The following RBMS3 variants were observed in gnomAD, a reference collection of about 807,000 sequenced individuals.
RBMS3 encodes the protein RNA-binding motif, single-stranded-interacting protein 3.
Under a neutral mutation model 66.8 loss-of-function variants are expected in RBMS3, and 27 were observed. The observed-to-expected ratio is 0.40, with a 90% CI of 0.30 to 0.56. The LOEUF (loss-of-function observed/expected upper bound fraction) is 0.56. Among genes scored for constraint, RBMS3 ranks in the 20% least tolerant of loss-of-function variants. RBMS3 has a pLI of 0.40. For synonymous variants in RBMS3, 188 were observed against 183.0 expected (o/e 1.03, Z -0.22); for missense variants, 513 against 549.5 (o/e 0.93, Z 0.66).
intron 3 of RBMS3, among the ~76,000 whole-genome samples, chr3:29,527,163 C>T (rs966734002): frequency 1.5e-4 from 16 of 106,182 alleles, no homozygotes; most frequent in African/African-American, 6.0e-4. Flanking sequence ...GGGTTTCAGA[C>T]GTGATTGTTA....
chr3:29,404,110 C>T lies in RBMS3; in HGVS notation c.76-30633C>T, dbSNP rs116290440. On this transcript the variant is annotated intron_variant, in intron 1 of 14. Transcript: ENST00000383767. ...AAGATGAAAATTGAATTTTCATTTT[C>T]AACCTCTTGCAGGCTAAAATGAAAT... Among the ~76,000 whole-genome samples the T allele has an allele frequency of 7.2e-3, 1,101 of 152,192 alleles. 15 individuals carry two copies. The highest frequency in any genetic ancestry group is 0.025 in the African/African-American group (1,050 of 41,540).
intron 4 of RBMS3, among the ~76,000 whole-genome samples, chr3:29,739,189 C>T (rs1320332712): frequency 2.0e-5 from 3 of 152,286 alleles, no homozygotes; most frequent in Non-Finnish European, 2.9e-5. Context: ...CGTGATGGCT[C>T]ACACCTGTAA....
In RBMS3 at chr3:29,405,738, C is replaced by G. The variant is rs568284647; in HGVS notation, c.76-29005C>G. On this transcript the variant is annotated intron_variant, in intron 1 of 14. Coordinates refer to ENST00000383767, the MANE Select transcript of RBMS3 (RefSeq NM_001003793.3). Reference sequence around the variant, plus strand: ...CCTAAAACATGGGGGAAAATTCAGCCATTTTATCTATACTTGCAGTTATTC... The same window carrying G: ...CCTAAAACATGGGGGAAAATTCAGCGATTTTATCTATACTTGCAGTTATTC... Among the ~76,000 whole-genome samples, 5 of 152,242 alleles carry G rather than the reference C, an allele frequency of 3.3e-5. No individual in the cohort carries two copies. The East Asian group carries it at 9.7e-4, about 29-fold the overall frequency.
chr3:29,291,980 C>T (rs2125425580), intron 1 of RBMS3, among the ~76,000 whole-genome samples: 1 of 151,878 alleles, frequency 6.6e-6, no homozygotes, highest in East Asian at 1.9e-4. Flanking sequence ...CTTCTCCAAT[C>T]TTATTCAGGA....
At chr3:29,903,705 T>G (rs1274955637) in intron 10 of RBMS3, among the ~76,000 whole-genome samples, 1 of 151,992 alleles carries the variant, frequency 6.6e-6, no homozygotes, top group Non-Finnish European at 1.5e-5. Flanking sequence ...CTGTTCTTGA[T>G]ATGGGTAGTG....
intron 2 of RBMS3, among the ~76,000 whole-genome samples, chr3:29,458,366 C>T (rs1324279500): frequency 1.3e-5 from 2 of 152,056 alleles, no homozygotes; most frequent in Admixed American, 6.6e-5. Flanking sequence ...ATGGTTTATT[C>T]TTTAAATTAG....
chr3:29,999,911 TAATAA>T lies in RBMS3; in HGVS notation c.1308-3939_1308-3935del, dbSNP rs201684461. Among the ~76,000 whole-genome samples the T allele has an allele frequency of 3.8e-3, 570 of 151,434 alleles. 21 individuals are homozygous for T. The East Asian group carries it at 0.085, about 23-fold the overall frequency. On this transcript the variant is annotated intron_variant, in intron 14 of 14. Coordinates refer to ENST00000383767, the MANE Select transcript of RBMS3 (RefSeq NM_001003793.3). ...TACCCTAAAACTTAAAGTATAATAA[TAATAA>T]AATAATAATTTAAAAAAAGACCTAA...
At chr3:29,955,825 G>T (rs948585141) in intron 12 of RBMS3, among the ~76,000 whole-genome samples, 3 of 151,958 alleles carry the variant, frequency 2.0e-5, no homozygotes, top group South Asian at 2.1e-4. Context: ...ATAAATCATT[G>T]CTAACTAACT....
At chr3:29,693,341 T>A (rs907490089) in intron 4 of RBMS3, among the ~76,000 whole-genome samples, 1 of 152,164 alleles carries the variant, frequency 6.6e-6, no homozygotes, top group African/African-American at 2.4e-5. Context: ...TATTTTAAGG[T>A]GTTTCATGCC....
At chr3:29,298,664 G>A (rs528413978) in intron 1 of RBMS3, among the ~76,000 whole-genome samples, 2 of 151,392 alleles carry the variant, frequency 1.3e-5, no homozygotes, top group East Asian at 2.0e-4. Flanking sequence ...AATATAAGAC[G>A]TTTATCTCAA....
At chr3:29,933,642 C>T (rs2061188994) in intron 10 of RBMS3, among the ~76,000 whole-genome samples, 1 of 151,954 alleles carries the variant, frequency 6.6e-6, no homozygotes, top group African/African-American at 2.4e-5. Flanking sequence ...CCCAAGAATC[C>T]TTATTTTATT....
At chr3:29,622,102 A>G (rs2149157021) in intron 4 of RBMS3, among the ~76,000 whole-genome samples, 1 of 152,132 alleles carries the variant, frequency 6.6e-6, no homozygotes, top group South Asian at 2.1e-4. Context: ...AATTTCATGG[A>G]AAAAAAATCA....
At chr3:29,759,763 C>T (rs1305479108) in intron 5 of RBMS3, among the ~76,000 whole-genome samples, 7 of 152,016 alleles carry the variant, frequency 4.6e-5, no homozygotes, top group African/African-American at 9.7e-5. Flanking sequence ...TCTGCTTCCA[C>T]GTAAAATGCA....
chr3:29,344,350 C>T (rs967602027), intron 1 of RBMS3, among the ~76,000 whole-genome samples: 1 of 152,160 alleles, frequency 6.6e-6, no homozygotes, highest in South Asian at 2.1e-4. Context: ...AATTTTATCA[C>T]ACAATAGCAA....
chr3:29,654,159 GAA>G (rs974272590), intron 4 of RBMS3, among the ~76,000 whole-genome samples: 10 of 152,150 alleles, frequency 6.6e-5, no homozygotes, highest in African/African-American at 1.9e-4. Flanking sequence ...ACGTTGAAAT[GAA>G]AAGATAGGGA....
chr3:29,522,713 A>G (rs1017928029), intron 3 of RBMS3, among the ~76,000 whole-genome samples: 1 of 152,158 alleles, frequency 6.6e-6, no homozygotes, highest in Non-Finnish European at 1.5e-5. Context: ...CCTTTTCTTC[A>G]GTCTTTTATT....
chr3:29,763,444 T>C (rs557204224), intron 6 of RBMS3, among the ~76,000 whole-genome samples: 2 of 152,188 alleles, frequency 1.3e-5, no homozygotes, highest in East Asian at 3.9e-4. Flanking sequence ...AGTATAGCGA[T>C]TTGACAATGT....
chr3:29,985,118 G>A (rs1379809763), intron 12 of RBMS3, among the ~76,000 whole-genome samples: 1 of 152,194 alleles, frequency 6.6e-6, no homozygotes, highest in African/African-American at 2.4e-5. Flanking sequence ...ATCTAGAAAG[G>A]CAGTCTGACT....
intron 1 of RBMS3, among the ~76,000 whole-genome samples, chr3:29,347,766 C>T (rs2036665251): frequency 6.6e-6 from 1 of 152,112 alleles, no homozygotes; most frequent in Non-Finnish European, 1.5e-5. Context: ...TTTCTCCCCA[C>T]AAAACTCGCC....
Sources: allele counts gnomAD v4.1 joint callset (sites outside exome capture counted in the v4.1 genomes callset), GRCh38; gene constraint gnomAD v4.1.1; transcripts MANE v1.5; gene names NCBI Gene and HGNC (gene_info 2026-07-23, HGNC 2026-07-21).